Variants in TAFA1 observed in about 807,000 individuals in gnomAD.
TAFA1 encodes the protein chemokine-like protein TAFA-1.
TAFA1 carries 4 observed loss-of-function variants against 18.5 expected under a neutral mutation model. The observed-to-expected ratio is 0.22, with a 90% CI of 0.11 to 0.49. TAFA1 has a LOEUF of 0.49. Ranked by LOEUF, TAFA1 falls within the 20% of genes least tolerant of loss-of-function variation. The pLI is 0.98. For synonymous variants in TAFA1, 56 were observed against 55.2 expected, an observed-to-expected ratio of 1.01 and a Z score of -0.06; for missense variants, 147 against 169.0, an observed-to-expected ratio of 0.87 and a Z score of 0.72.
At chr3:68,153,940 C>T (rs1384093437) in intron 2 of TAFA1, among the ~76,000 whole-genome samples, 1 of 152,172 alleles carries the variant, frequency 6.6e-6, no homozygotes, top group Non-Finnish European at 1.5e-5. Context: ...CACTTTAATT[C>T]TGTTTTCTAA....
In TAFA1 at chr3:68,510,002, G is replaced by T. The variant is rs370063629; in HGVS notation, c.260-28754G>T. On this transcript the variant is annotated intron_variant, in intron 3 of 4. Coordinates refer to ENST00000478136, the MANE Select transcript of TAFA1 (RefSeq NM_213609.4). ...AACTTCCCAATTTTAAGTCCCCATT[G>T]TCTCGGGATAAAGTTCAATGCCATT... Among the ~76,000 whole-genome samples, 3 of 152,146 alleles carry T rather than the reference G, an allele frequency of 2.0e-5. No individual in the cohort carries two copies. The South Asian group carries it at 6.2e-4, about 32-fold the overall frequency.
At chr3:68,354,027 G>T (rs1274882168) in intron 2 of TAFA1, among the ~76,000 whole-genome samples, 3 of 151,894 alleles carry the variant, frequency 2.0e-5, no homozygotes, top group African/African-American at 7.3e-5. Flanking sequence ...CAGCCAGTGG[G>T]TTCTCCCTGT....
At chr3:68,491,648 A>C (rs949902361) in intron 3 of TAFA1, among the ~76,000 whole-genome samples, 3 of 151,682 alleles carry the variant, frequency 2.0e-5, no homozygotes, top group African/African-American at 7.3e-5. Flanking sequence ...TATGTAACTA[A>C]CCTGCACATT....
Position 68,006,652 on chromosome 3 carries a change from G to C in TAFA1, c.26G>C (p.Trp9Ser), listed in dbSNP as rs1206463109. ...ATGGCAATGGTCTCTGCGATGTCCTGGGTCCTGTATTTGTGGATAAGTGCT... is the reference window on the plus strand; with the variant it reads ...ATGGCAATGGTCTCTGCGATGTCCTCGGTCCTGTATTTGTGGATAAGTGCT... MAMVSAMS[W>S]VLYLWISACA... Residue 9 changes from tryptophan (W) to serine (S), a missense_variant, in exon 2 of 5, where the codon TGG (tryptophan) becomes TCG (serine). Coordinates refer to ENST00000478136, the MANE Select transcript of TAFA1 (RefSeq NM_213609.4). 5 of 1,613,880 alleles carry C rather than the reference G, an allele frequency of 3.1e-6. No individual in the cohort carries two copies. Among genetic ancestry groups the C allele is most frequent in the Non-Finnish European group, 3.4e-6 (4 of 1,179,764 alleles).
intron 2 of TAFA1, among the ~76,000 whole-genome samples, chr3:68,265,371 T>C (rs2067522365): frequency 6.6e-6 from 1 of 152,218 alleles, no homozygotes; most frequent in Non-Finnish European, 1.5e-5. Context: ...GGTCCTTTCA[T>C]GTGAAAATGA....
rs1704551429 is a variant in TAFA1 at position 68,015,446 on chromosome 3, C to T, written c.118+8702C>T. Among the ~76,000 whole-genome samples, 3 of 152,124 alleles carry T rather than the reference C, an allele frequency of 2.0e-5. No homozygotes were observed. In the South Asian group the frequency reaches 6.2e-4, roughly 32 times the overall value. On this transcript the variant is annotated intron_variant, in intron 2 of 4. Transcript: ENST00000478136. ...GGACTACAGGCACATGCCACCATGC[C>T]CAGCTAATTTTTATATTTTTAGAAG...
intron 2 of TAFA1, among the ~76,000 whole-genome samples, chr3:68,289,505 T>C (rs888111631): frequency 6.6e-6 from 1 of 152,176 alleles, no homozygotes; most frequent in East Asian, 1.9e-4. Flanking sequence ...AGGAAGACAC[T>C]GGAATATTCT....
At chr3:68,496,807 T>C (rs1179302019) in intron 3 of TAFA1, among the ~76,000 whole-genome samples, 1 of 152,128 alleles carries the variant, frequency 6.6e-6, no homozygotes, top group Non-Finnish European at 1.5e-5. Flanking sequence ...ATGGTGGGGG[T>C]GATACCATTA....
chr3:68,105,813 C>A (rs150594724), intron 2 of TAFA1, among the ~76,000 whole-genome samples: 1 of 152,202 alleles, frequency 6.6e-6, no homozygotes, highest in African/African-American at 2.4e-5. Context: ...TCAATAATTT[C>A]TTTGCAAGAG....
At chr3:67,995,283 C>G in the TAFA1 span, among the ~76,000 whole-genome samples, 45 of 152,220 alleles carry the variant, frequency 3.0e-4, 1 homozygote, top group East Asian at 7.9e-3. Context: ...GGTTTTCAAA[C>G]TTGGCTGCAA....
intron 2 of TAFA1, among the ~76,000 whole-genome samples, chr3:68,159,086 G>A (rs368402761): frequency 2.6e-5 from 4 of 152,154 alleles, no homozygotes; most frequent in East Asian, 3.9e-4. Context: ...TTTTAGTTTC[G>A]AAGAGCTCAC....
intron 2 of TAFA1, among the ~76,000 whole-genome samples, chr3:68,378,086 G>A (rs1413352697): frequency 6.6e-6 from 1 of 152,180 alleles, no homozygotes; most frequent in Non-Finnish European, 1.5e-5. Context: ...GGAAATGTGG[G>A]GTGTGAGGCC....
Position 68,336,957 on chromosome 3 carries a change from C to CA in TAFA1, c.119-80323_119-80322insA, listed in dbSNP as rs200150472. Among the ~76,000 whole-genome samples the CA allele has an allele frequency of 0.011, 1,645 of 152,168 alleles. 81 individuals carry two copies. The East Asian group carries it at 0.17, about 15-fold the overall frequency. ...CAGGCTGGTCTCAAACTCCTGACCT[C>CA]GGTAATCCGCCCACCTTGGCCTCCC... On this transcript the variant is annotated intron_variant, in intron 2 of 4. Transcript: ENST00000478136.
intron 2 of TAFA1, among the ~76,000 whole-genome samples, chr3:68,052,004 T>A (rs1240206896): frequency 2.0e-5 from 3 of 152,140 alleles, no homozygotes; most frequent in Non-Finnish European, 4.4e-5. Flanking sequence ...TTGTTGTAAT[T>A]TAAGGAAGTC....
intron 2 of TAFA1, among the ~76,000 whole-genome samples, chr3:68,131,296 C>A (rs913414610): frequency 2.0e-5 from 3 of 152,046 alleles, no homozygotes; most frequent in African/African-American, 7.2e-5. Flanking sequence ...TTGCCATAAT[C>A]ATCTCTGAAC....
At chr3:68,501,154 GAAAAA>G (rs57247656) in intron 3 of TAFA1, among the ~76,000 whole-genome samples, 1 of 91,634 alleles carries the variant, frequency 1.1e-5, no homozygotes, top group Non-Finnish European at 2.0e-5. Flanking sequence ...GACCCTGTCT[GAAAAA>G]AAAAAAAAAA....
chr3:68,470,972 C>T (rs903330051), intron 3 of TAFA1, among the ~76,000 whole-genome samples: 4 of 152,118 alleles, frequency 2.6e-5, no homozygotes, highest in East Asian at 1.9e-4. Flanking sequence ...TGTTTCCTGG[C>T]GTGGATCCAG....
At chr3:68,048,141 G>A (rs2064414908) in intron 2 of TAFA1, among the ~76,000 whole-genome samples, 1 of 152,044 alleles carries the variant, frequency 6.6e-6, no homozygotes, top group Non-Finnish European at 1.5e-5. Context: ...CTCTGTTTCT[G>A]ACAAGTGGAA....
chr3:68,065,216 G>A (rs1426915748), intron 2 of TAFA1, among the ~76,000 whole-genome samples: 2 of 152,164 alleles, frequency 1.3e-5, no homozygotes, highest in African/African-American at 4.8e-5. Flanking sequence ...TTGGGGCACA[G>A]CTTCTCAGTT....
Sources: allele counts gnomAD v4.1 joint callset (sites outside exome capture counted in the v4.1 genomes callset), GRCh38; gene constraint gnomAD v4.1.1; transcripts MANE v1.5; gene names NCBI Gene and HGNC (gene_info 2026-07-23, HGNC 2026-07-21).